GRIK5: variants seen among roughly 807,000 people sequenced by gnomAD.
The protein encoded by GRIK5 is glutamate receptor ionotropic, kainate 5.
GRIK5 carries 43 observed loss-of-function variants against 97.4 expected under a neutral mutation model. The observed-to-expected ratio is 0.44, with a 90% confidence interval of 0.35 to 0.57. The LOEUF (loss-of-function observed/expected upper bound fraction) is 0.57. Ranked by LOEUF, GRIK5 falls within the 20% of genes least tolerant of loss-of-function variation. GRIK5 has a pLI of 0.01. For synonymous variants in GRIK5, 580 were observed against 583.5 expected, an observed-to-expected ratio of 0.99 and a Z score of 0.09; for missense variants, 1,015 against 1,382.0, an observed-to-expected ratio of 0.73 and a Z score of 4.21.
At chr19:42,055,171 C>T (rs769723556) in intron 8 of GRIK5, among the ~76,000 whole-genome samples, 3 of 152,210 alleles carry the variant, frequency 2.0e-5, no homozygotes, top group Non-Finnish European at 2.9e-5. Context: ...CTCTAGCCCC[C>T]AATCTGTGAC....
chr19:42,068,821 A>G, intron 1 of GRIK5: 1 of 645,454 alleles, frequency 1.5e-6, no homozygotes, highest in South Asian at 1.7e-5. Context: ...CATATCCAGG[A>G]GATAGAGACT....
At chr19:42,061,732 C>T (rs571665017) in intron 5 of GRIK5, among the ~76,000 whole-genome samples, 2 of 152,314 alleles carry the variant, frequency 1.3e-5, no homozygotes, top group East Asian at 1.9e-4. Flanking sequence ...TTCCAACTGC[C>T]ACCACCTGGG....
At chr19:42,026,223 A>G (rs1430886690) in intron 12 of GRIK5, among the ~76,000 whole-genome samples, 5 of 152,058 alleles carry the variant, frequency 3.3e-5, no homozygotes, top group Non-Finnish European at 5.9e-5. Flanking sequence ...GCTGGGCTCA[A>G]GTGATCCTCC....
intron 11 of GRIK5, among the ~76,000 whole-genome samples, chr19:42,046,147 G>C (rs62119594): frequency 6.6e-6 from 1 of 152,150 alleles, no homozygotes; most frequent in Non-Finnish European, 1.5e-5. Flanking sequence ...GAAGGGAGAC[G>C]GGGCAGAGCT....
At position 41,999,099 on chromosome 19, in the gene GRIK5, G is replaced by T. The variant is rs1568874276; in HGVS notation, c.2715C>A (p.Gly905=). The T allele has an allele frequency of 1.5e-6, 2 of 1,348,638 alleles. No individual in the cohort carries two copies. Among genetic ancestry groups the T allele is most frequent in the Admixed American group, 3.7e-5 (1 of 26,966 alleles). 83.5% of individuals were successfully genotyped at this position (1,348,638 alleles called of 1,614,324 possible). Residue 905 remains glycine (G), a synonymous_variant, in exon 20 of 20, where the codon GGC becomes GGA. Transcript: ENST00000593562. This position sits in a 1 kb window ranked among gnomAD's most constrained non-coding sequence, Gnocchi z 5.0. ...CCGGGTCGTCCAGGAGGCGCTGCGGGCCCCCGTGCGCGCTGCCCGCATCCC... is the reference window on the plus strand; with the variant it reads ...CCGGGTCGTCCAGGAGGCGCTGCGGTCCCCCGTGCGCGCTGCCCGCATCCC... ...AGGDAGSAHG[G]PQRLLDDPGP... is the part of the protein sequence containing the mutation.
rs560685647 is a variant in GRIK5 at position 42,003,855 on chromosome 19, G to A, written c.2264-172C>T. On this transcript the variant is annotated intron_variant, in intron 17 of 19. Coordinates refer to ENST00000593562, the MANE Select transcript of GRIK5 (RefSeq NM_002088.5). The surrounding 1 kb of genome is among the most constrained non-coding windows in gnomAD (Gnocchi z 4.2). ...CAGTCTCCTCTCAACACAGCAGCCA[G>A]AGAGACAGTGTTAGGAAGAGTCAGA... is the stretch of plus-strand genomic sequence containing the variant. 236 of 639,432 alleles carry A rather than the reference G, an allele frequency of 3.7e-4. No homozygotes were observed. Among genetic ancestry groups the A allele is most frequent in the Middle Eastern group, 1.3e-3 (3 of 2,320 alleles). The allele number at this position is 639,432 out of a possible 1,614,324, so 39.6% of individuals were successfully genotyped here. A position where few individuals can be genotyped will look rare whatever the true frequency, so the allele number is the denominator to read the frequency against.
At chr19:42,031,082 A>G (rs74318446) in intron 12 of GRIK5, among the ~76,000 whole-genome samples, 14,142 of 152,238 alleles carry the variant, frequency 0.093, 861 homozygotes, top group Middle Eastern at 0.19. Context: ...AGTAGCTCAC[A>G]CCAGCTGCCA....
chr19:42,003,682 G>C lies in GRIK5; in HGVS notation c.2265C>G (p.Gly755=). 6.2e-7 allele frequency: 1 copy of C among 1,608,548 alleles called. No individual in the cohort carries two copies. Residue 755 remains glycine (G), a splice_region_variant and synonymous_variant, in exon 18 of 20, where the codon GGC becomes GGG. Transcript: ENST00000593562. This position sits in a 1 kb window ranked among gnomAD's most constrained non-coding sequence, Gnocchi z 4.2. The part of the protein sequence containing the change: ...TKGYGIGMPL[G]SPFRDEITLA... ...GTGTGATCTCATCCCGGAACGGGGA[G>C]CCTGGGCAGGCACACGAGGGGCTGG...
At chr19:42,054,177 G>A in intron 9 of GRIK5, 143 bp downstream of exon 9, 2 of 860,366 alleles carry the variant, frequency 2.3e-6, no homozygotes, top group South Asian at 3.3e-5. Flanking sequence ...CAGATAGGCA[G>A]CAACAGCCAG....
intron 12 of GRIK5, among the ~76,000 whole-genome samples, chr19:42,029,977 C>T (rs1367305028): frequency 6.6e-6 from 1 of 152,206 alleles, no homozygotes; most frequent in Non-Finnish European, 1.5e-5. Flanking sequence ...ATCTTTCAAA[C>T]TCTTCTACTT....
rs1427990324 is a variant in GRIK5 at position 41,998,798 on chromosome 19, C to T, written c.*73G>A. The T allele has an allele frequency of 5.2e-6, 4 of 763,372 alleles. No individual in the cohort carries two copies. The highest frequency in any genetic ancestry group is 6.6e-6 in the Non-Finnish European group (4 of 608,628). The allele number at this position is 763,372 out of a possible 1,614,324, so 47.3% of individuals were successfully genotyped here. ...TCCTGTCCCGCGCCCGCTGCGGGAGCGGAGACTGCTGGGGCCTGGGGCGGG... is the reference window on the plus strand; with the variant it reads ...TCCTGTCCCGCGCCCGCTGCGGGAGTGGAGACTGCTGGGGCCTGGGGCGGG... On this transcript the variant is annotated 3_prime_UTR_variant, in exon 20 of 20. Transcript: ENST00000593562.
intron 11 of GRIK5, among the ~76,000 whole-genome samples, chr19:42,046,522 A>G (rs2076045039): frequency 6.6e-6 from 1 of 152,232 alleles, no homozygotes. Context: ...CAGGTCCAAG[A>G]AAGTCAGTGC....
intron 11 of GRIK5, among the ~76,000 whole-genome samples, chr19:42,052,702 CT>C (rs1336711474): frequency 6.6e-6 from 1 of 152,200 alleles, no homozygotes; most frequent in Non-Finnish European, 1.5e-5. Context: ...AAGAGCATGG[CT>C]GCCTGGCATG....
At chr19:42,061,324 G>A (rs977278561) in intron 5 of GRIK5, among the ~76,000 whole-genome samples, 23 of 151,888 alleles carry the variant, frequency 1.5e-4, no homozygotes, top group Non-Finnish European at 1.0e-4. Context: ...GATTACAGGC[G>A]TGAGCCATCG....
At chr19:42,053,760 C>A (rs778965275) in intron 10 of GRIK5, 51 bp from the exon 11 acceptor site, 24 of 1,550,068 alleles carry the variant, frequency 1.5e-5, no homozygotes, top group Non-Finnish European at 2.0e-5. Flanking sequence ...GAGGTCATGG[C>A]AGCCTCTGGG....
In GRIK5 at chr19:42,065,915, G is replaced by A; in HGVS notation, c.-50-95C>T. ...GGATGGGGTGGTCACAGAAGCCTTGGGGACATTGTTGGCAAGCAGTTCACA... is the reference window on the plus strand; with the variant it reads ...GGATGGGGTGGTCACAGAAGCCTTGAGGACATTGTTGGCAAGCAGTTCACA... On this transcript the variant is annotated intron_variant, in intron 1 of 19. Coordinates refer to ENST00000593562, the MANE Select transcript of GRIK5 (RefSeq NM_002088.5). The surrounding 1 kb of genome is among the most constrained non-coding windows in gnomAD (Gnocchi z 5.8). The A allele has an allele frequency of 1.5e-6, 1 of 660,652 alleles. No homozygotes were observed. The highest frequency in any genetic ancestry group is 2.3e-5 in the Admixed American group (1 of 42,790). 40.9% of individuals were successfully genotyped at this position (660,652 alleles called of 1,614,324 possible). A position where few individuals can be genotyped will look rare whatever the true frequency, so the allele number is the denominator to read the frequency against.
chr19:42,009,493 C>T (rs1287539541), intron 15 of GRIK5, among the ~76,000 whole-genome samples: 3 of 150,160 alleles, frequency 2.0e-5, no homozygotes, highest in Non-Finnish European at 4.4e-5. Flanking sequence ...AAAGGCTGGG[C>T]GCGGTGGCTC....
Position 41,998,904 on chromosome 19 carries a change from G to A in GRIK5, c.2910C>T (p.Pro970=). 1.8e-6 allele frequency: 2 copies of A among 1,122,334 alleles called. No homozygotes were observed. The highest frequency in any genetic ancestry group is 3.8e-4 in the Middle Eastern group (1 of 2,608). 69.5% of individuals were successfully genotyped at this position (1,122,334 alleles called of 1,614,324 possible). A position where few individuals can be genotyped will look rare whatever the true frequency, so the allele number is the denominator to read the frequency against. ...ATSPPRPRPG[P]AGPRELAEHE is the part of the protein sequence containing the mutation. ...GCTCCGCCAGCTCCCGGGGGCCGGC[G>A]GGGCCAGGCCGCGGCCGGGGCGGGC... The change falls in exon 20 of 20, where the codon CCC becomes CCT. Residue 970 remains proline, a synonymous_variant. Coordinates refer to ENST00000593562, the MANE Select transcript of GRIK5 (RefSeq NM_002088.5).
At chr19:42,053,475 G>C in intron 11 of GRIK5, 127 bp downstream of exon 11, 1 of 639,696 alleles carries the variant, frequency 1.6e-6, no homozygotes, top group Non-Finnish European at 2.8e-6. Flanking sequence ...GAGTTGCTGC[G>C]TGCAGGAATC....
Sources: allele counts gnomAD v4.1 joint callset (sites outside exome capture counted in the v4.1 genomes callset), GRCh38; gene constraint gnomAD v4.1.1; non-coding constraint Gnocchi (gnomAD v3.1); transcripts MANE v1.5; gene names NCBI Gene and HGNC (gene_info 2026-07-23, HGNC 2026-07-21).